MARCHF3: variants seen among roughly 807,000 people sequenced by gnomAD.
The protein encoded by MARCHF3 is E3 ubiquitin-protein ligase MARCHF3.
MARCHF3 carries 13 observed loss-of-function variants against 24.2 expected under a neutral mutation model. The observed-to-expected ratio is 0.54, with a 90% CI of 0.35 to 0.85. The LOEUF (loss-of-function observed/expected upper bound fraction) is 0.85. MARCHF3 is among the 40% of genes least tolerant of loss of function. MARCHF3 has a pLI of 0.01. For synonymous variants in MARCHF3, 144 were observed against 137.3 expected (o/e 1.05, Z -0.34); for missense variants, 276 against 325.0 (o/e 0.85, Z 1.16).
At chr5:126,970,114 G>C (rs1363187993) in intron 1 of MARCHF3, among the ~76,000 whole-genome samples, 3 of 117,656 alleles carry the variant, frequency 2.5e-5, no homozygotes, top group Non-Finnish European at 5.5e-5. Context: ...TTTTGAGACA[G>C]TTTTGCTCTG....
chr5:126,947,649 G>A (rs1289713655), intron 1 of MARCHF3, among the ~76,000 whole-genome samples: 4 of 152,118 alleles, frequency 2.6e-5, no homozygotes, highest in Non-Finnish European at 5.9e-5. Flanking sequence ...GGGGAAGAGG[G>A]GAAGTCTGTT....
intron 1 of MARCHF3, among the ~76,000 whole-genome samples, chr5:126,939,460 G>T (rs775642428): frequency 6.6e-6 from 1 of 152,060 alleles, no homozygotes; most frequent in Non-Finnish European, 1.5e-5. Flanking sequence ...GGCTGTTCTG[G>T]GTGATCAGCC....
chr5:126,909,095 C>T lies in MARCHF3; in HGVS notation c.393+5835G>A, dbSNP rs574117126. 9.2e-5 allele frequency among the ~76,000 whole-genome samples: 14 copies of T among 152,280 alleles called. 1 individual carries two copies. In the East Asian group the frequency reaches 2.7e-3, roughly 29 times the overall value. ...GTACCCGGCCGTGTGAGGTGTCAGT[C>T]TGCCCCTGCTGGGGGTGCCTCCCAG... On this transcript the variant is annotated intron_variant, in intron 3 of 4. Coordinates refer to ENST00000308660, the MANE Select transcript of MARCHF3 (RefSeq NM_178450.5).
intron 4 of MARCHF3, among the ~76,000 whole-genome samples, chr5:126,872,035 G>A (rs1026400165): frequency 3.4e-5 from 5 of 148,394 alleles, no homozygotes; most frequent in Non-Finnish European, 7.4e-5. Context: ...ATACATGATG[G>A]TAGAAGCAGT....
At chr5:126,948,889 T>C (rs1750122314) in intron 1 of MARCHF3, among the ~76,000 whole-genome samples, 1 of 152,140 alleles carries the variant, frequency 6.6e-6, no homozygotes, top group African/African-American at 2.4e-5. Context: ...CTTGGATAGG[T>C]AGCATTTGTC....
chr5:127,016,166 T>A (rs915217243), intron 1 of MARCHF3, among the ~76,000 whole-genome samples: 1 of 152,164 alleles, frequency 6.6e-6, no homozygotes, highest in Non-Finnish European at 1.5e-5. Flanking sequence ...AAAAACATAG[T>A]ACATATAGCT....
rs528794763 is a variant in MARCHF3 at position 127,006,483 on chromosome 5, A to G, written c.-57+23867T>C. Among the ~76,000 whole-genome samples the G allele has an allele frequency of 1.9e-4, 29 of 152,294 alleles. 1 individual carries two copies. Among genetic ancestry groups the G allele is most frequent in the African/African-American group, 6.7e-4 (28 of 41,534 alleles). On this transcript the variant is annotated intron_variant, in intron 1 of 4. Transcript: ENST00000308660. ...CATTTTTTCACAATGTTCTCTTTAA[A>G]ATAGTTGTTATTTTCTTTCTTATTC...
chr5:126,906,676 T>G (rs1162473318), intron 3 of MARCHF3, among the ~76,000 whole-genome samples: 1 of 152,206 alleles, frequency 6.6e-6, no homozygotes, highest in Non-Finnish European at 1.5e-5. Flanking sequence ...CCCTTTATCA[T>G]TTTTTATTGT....
intron 3 of MARCHF3, among the ~76,000 whole-genome samples, chr5:126,910,983 G>A (rs1313141509): frequency 1.3e-5 from 2 of 152,180 alleles, no homozygotes; most frequent in Non-Finnish European, 2.9e-5. Context: ...GGGGGCAGCC[G>A]TCTTTTATGG....
chr5:127,004,753 A>C (rs1032192136), intron 1 of MARCHF3, among the ~76,000 whole-genome samples: 2 of 152,136 alleles, frequency 1.3e-5, no homozygotes, highest in Non-Finnish European at 2.9e-5. Flanking sequence ...CACTTAGTAC[A>C]TGAAGGAAAC....
At chr5:126,928,034 A>G (rs1345048535) in intron 1 of MARCHF3, among the ~76,000 whole-genome samples, 1 of 152,136 alleles carries the variant, frequency 6.6e-6, no homozygotes, top group Non-Finnish European at 1.5e-5. Context: ...GTGTGAGTGT[A>G]TTTTTCTATT....
intron 1 of MARCHF3, among the ~76,000 whole-genome samples, chr5:126,947,137 C>A (rs980305100): frequency 2.0e-5 from 3 of 152,102 alleles, no homozygotes; most frequent in South Asian, 4.1e-4. Context: ...AAAACAAGCA[C>A]CCCATGTTGA....
At chr5:126,910,841 G>C (rs2126789654) in intron 3 of MARCHF3, among the ~76,000 whole-genome samples, 1 of 152,308 alleles carries the variant, frequency 6.6e-6, no homozygotes, top group Non-Finnish European at 1.5e-5. Flanking sequence ...GGTGAGCTGG[G>C]CAGAACAGAG....
At chr5:126,902,328 ACATGTTATATGAAG>A (rs1754134612) in intron 3 of MARCHF3, among the ~76,000 whole-genome samples, 1 of 152,116 alleles carries the variant, frequency 6.6e-6, no homozygotes, top group African/African-American at 2.4e-5. Flanking sequence ...ATTAAAATGA[ACATGTTATATGAAG>A]CAATTATTGG....
chr5:126,917,846 C>A (rs1748942607), intron 2 of MARCHF3, 138 bp downstream of exon 2: 18 of 683,706 alleles, frequency 2.6e-5, no homozygotes, highest in Non-Finnish European at 6.8e-6. Context: ...CTCGTGTAGT[C>A]TTTTTTTTTT....
chr5:126,915,374 C>T (rs767891301), intron 2 of MARCHF3, among the ~76,000 whole-genome samples: 8 of 152,162 alleles, frequency 5.3e-5, no homozygotes, highest in Non-Finnish European at 7.3e-5. Context: ...CTGGGTGTGG[C>T]CCAGGATCAA....
intron 3 of MARCHF3, among the ~76,000 whole-genome samples, chr5:126,884,007 T>A (rs761918293): frequency 6.6e-6 from 1 of 152,226 alleles, no homozygotes; most frequent in Admixed American, 6.5e-5. Flanking sequence ...CTTATCTGCC[T>A]GAGTCTCCTG....
intron 1 of MARCHF3, among the ~76,000 whole-genome samples, chr5:126,961,594 T>A (rs1336793923): frequency 1.3e-5 from 2 of 152,176 alleles, no homozygotes; most frequent in Non-Finnish European, 1.5e-5. Flanking sequence ...TAGTCAGAAT[T>A]TGGAAAAGAA....
intron 4 of MARCHF3, among the ~76,000 whole-genome samples, chr5:126,871,446 G>C (rs548209878): frequency 6.6e-6 from 1 of 152,152 alleles, no homozygotes; most frequent in Admixed American, 6.5e-5. Flanking sequence ...GGTGGGGCAC[G>C]ACTCCCTTGG....
Sources: gnomAD v4.1 joint callset for allele counts (sites outside exome capture counted in the v4.1 genomes callset) on GRCh38, gnomAD v4.1.1 for gene constraint, MANE v1.5 for transcripts, NCBI Gene and HGNC (gene_info 2026-07-23, HGNC 2026-07-21) for gene names.